Variants in TUBB8 observed in about 807,000 individuals in gnomAD.
TUBB8 encodes tubulin beta-8 chain.
A neutral mutation model predicts 33.7 loss-of-function variants in TUBB8; 25 were observed. The ratio of observed to expected loss-of-function variants is 0.74; its 90% CI spans 0.54 to 1.04. TUBB8 has a LOEUF of 1.04. TUBB8 is among the 50% of genes least tolerant of loss of function. TUBB8 has a pLI of 0.00. For synonymous variants in TUBB8, 245 were observed against 240.1 expected (o/e 1.02, Z -0.19); for missense variants, 279 against 608.0 (o/e 0.46, Z 5.69).
chr10:51,002 T>G (rs1424139442), upstream of TUBB8, among the ~76,000 whole-genome samples: 1 of 152,254 alleles, frequency 6.6e-6, no homozygotes, highest in East Asian at 1.9e-4. Context: ...AGTCAAATCT[T>G]ATCTTGAATT....
chr10:48,646 C>T lies in TUBB8; in HGVS notation c.246G>A (p.Gly82=), dbSNP rs782209304. The change falls in exon 3 of 4, where the codon GGG becomes GGA. Residue 82 remains glycine (G), a synonymous_variant. Coordinates refer to ENST00000568584, the MANE Select transcript of TUBB8 (RefSeq NM_177987.3). Reference sequence around the variant, plus strand: ...TGAAGTTGTCTGGCCTGAAGACCTGCCCGAAGGGCCCCGAGCGCACAGAGT... The same window carrying T: ...TGAAGTTGTCTGGCCTGAAGACCTGTCCGAAGGGCCCCGAGCGCACAGAGT... The part of the protein sequence containing the change: ...TMDSVRSGPF[G]QVFRPDNFIF... 3 of 1,612,228 alleles carry T rather than the reference C, an allele frequency of 1.9e-6. No individual in the cohort carries two copies. Among genetic ancestry groups the T allele is most frequent in the East Asian group, 4.5e-5 (2 of 44,876 alleles).
intron 1 of TUBB8, among the ~76,000 whole-genome samples, chr10:70,265 G>A (rs1554742140): frequency 1.2e-5 from 1 of 85,336 alleles, no homozygotes; most frequent in Non-Finnish European, 2.7e-5. Context: ...TTGTTGTTTT[G>A]TTTTGTTTTT....
At chr10:69,229 C>T (rs1454310114) in intron 1 of TUBB8, among the ~76,000 whole-genome samples, 3 of 152,226 alleles carry the variant, frequency 2.0e-5, no homozygotes, top group African/African-American at 4.8e-5. Context: ...TTCCTGCATG[C>T]TGCCCTTTCC....
At chr10:70,723 C>T (rs1354376559) in intron 1 of TUBB8, among the ~76,000 whole-genome samples, 1 of 151,792 alleles carries the variant, frequency 6.6e-6, no homozygotes, top group Non-Finnish European at 1.5e-5. Flanking sequence ...ACCTGTAATC[C>T]CAGCTACTCA....
At chr10:60,229 T>C (rs1423521210) in intron 1 of TUBB8, among the ~76,000 whole-genome samples, 2 of 152,080 alleles carry the variant, frequency 1.3e-5, no homozygotes, top group Non-Finnish European at 2.9e-5. Context: ...GATTTTTATA[T>C]AGGCACTTAC....
chr10:63,277 C>T (rs1158510802), intron 1 of TUBB8, among the ~76,000 whole-genome samples: 2 of 152,152 alleles, frequency 1.3e-5, no homozygotes, highest in East Asian at 1.9e-4. Flanking sequence ...GGGGTTTCAC[C>T]GTGTTAGCCA....
At chr10:73,919 C>G (rs549527009) in intron 1 of TUBB8, 1 of 153,724 alleles carries the variant, frequency 6.5e-6, no homozygotes, top group Non-Finnish European at 1.5e-5. Flanking sequence ...GAAACGCGGC[C>G]GCGCTCGCCC....
upstream of TUBB8, among the ~76,000 whole-genome samples, chr10:50,538 T>C (rs1834454233): frequency 6.6e-6 from 1 of 152,162 alleles, no homozygotes; most frequent in Admixed American, 6.5e-5. Context: ...AGTCTCTCTT[T>C]TGATGTCCTC....
intron 1 of TUBB8, among the ~76,000 whole-genome samples, chr10:55,112 G>T (rs1410684069): frequency 6.6e-6 from 1 of 152,196 alleles, no homozygotes; most frequent in African/African-American, 2.4e-5. Flanking sequence ...CCACATGGCT[G>T]GGGAGGCCTC....
intron 1 of TUBB8, among the ~76,000 whole-genome samples, chr10:63,941 TCTCCAA>T (rs1490904130): frequency 2.0e-5 from 3 of 152,138 alleles, no homozygotes; most frequent in Non-Finnish European, 4.4e-5. Flanking sequence ...TTGGGAACAC[TCTCCAA>T]GTGTTCAAAG....
At chr10:65,328 C>T (rs1170576047) in intron 1 of TUBB8, among the ~76,000 whole-genome samples, 1 of 152,230 alleles carries the variant, frequency 6.6e-6, no homozygotes, top group African/African-American at 2.4e-5. Context: ...GTAAACCAAC[C>T]CATACCCAAT....
chr10:70,615 G>A (rs1296320502), intron 1 of TUBB8, among the ~76,000 whole-genome samples: 3 of 151,794 alleles, frequency 2.0e-5, no homozygotes, highest in Non-Finnish European at 2.9e-5. Context: ...CGAGGCGGGC[G>A]GATCAGCTGA....
intron 1 of TUBB8, among the ~76,000 whole-genome samples, chr10:60,993 G>T (rs1332498686): frequency 6.7e-6 from 1 of 148,164 alleles, no homozygotes; most frequent in Non-Finnish European, 1.5e-5. Context: ...ACCAAACACC[G>T]CATATTCTCA....
intron 1 of TUBB8, among the ~76,000 whole-genome samples, chr10:68,529 G>T (rs184745815): frequency 2.0e-5 from 3 of 152,188 alleles, no homozygotes; most frequent in African/African-American, 4.8e-5. Flanking sequence ...AATTTGGACT[G>T]GGTTTGGCCT....
upstream of TUBB8, chr10:49,337 C>T (rs1396036032): frequency 2.3e-4 from 291 of 1,251,400 alleles, no homozygotes; most frequent in Non-Finnish European, 1.6e-4. Flanking sequence ...TAGCCCCGCG[C>T]CCACCTCCCT....
upstream of TUBB8, among the ~76,000 whole-genome samples, chr10:53,897 AT>A (rs570053513): frequency 9.9e-4 from 151 of 152,376 alleles, no homozygotes; most frequent in African/African-American, 3.5e-3. Flanking sequence ...TTTAATTGTA[AT>A]TTTTAATTAA....
At chr10:61,865 A>C (rs1834606515) in intron 1 of TUBB8, among the ~76,000 whole-genome samples, 1 of 152,068 alleles carries the variant, frequency 6.6e-6, no homozygotes, top group Admixed American at 6.5e-5. Context: ...ATATCTTCCT[A>C]CAGTCTTTTG....
chr10:50,978 T>C (rs560062701), upstream of TUBB8, among the ~76,000 whole-genome samples: 1 of 152,368 alleles, frequency 6.6e-6, no homozygotes, highest in South Asian at 2.1e-4. Context: ...GTGACATGCT[T>C]TGGCTGTGTC....
chr10:71,655 AGT>A (rs1834737863), intron 1 of TUBB8, among the ~76,000 whole-genome samples: 1 of 151,944 alleles, frequency 6.6e-6, no homozygotes, highest in African/African-American at 2.4e-5. Flanking sequence ...GGCTGGGTGC[AGT>A]GGCTCACACC....
Sources: allele counts gnomAD v4.1 joint callset (sites outside exome capture counted in the v4.1 genomes callset), GRCh38; gene constraint gnomAD v4.1.1; transcripts MANE v1.5; gene names NCBI Gene and HGNC (gene_info 2026-07-23, HGNC 2026-07-21).